The following SORCS1 variants were observed in gnomAD, a reference collection of about 807,000 sequenced individuals.
SORCS1 encodes sortilin related VPS10 domain containing receptor 1.
In SORCS1, 60 loss-of-function variants were observed where a neutral mutation model predicts 146.1. The ratio of observed to expected loss-of-function variants is 0.41; its 90% CI spans 0.33 to 0.51. The LOEUF is 0.51. Ranked by LOEUF, SORCS1 falls within the 20% of genes least tolerant of loss-of-function variation. The pLI is 0.21. For missense variants in SORCS1, 1,352 were observed against 1,487.6 expected (o/e 0.91, Z 1.50); for synonymous variants, 637 against 584.0 (o/e 1.09, Z -1.31).
intron 2 of SORCS1, among the ~76,000 whole-genome samples, chr10:106,911,528 C>T (rs1232918270): frequency 6.6e-6 from 1 of 152,036 alleles, no homozygotes; most frequent in Non-Finnish European, 1.5e-5. Flanking sequence ...TACCAGAGAA[C>T]CAGGATCACG....
intron 3 of SORCS1, 114 bp downstream of exon 3, chr10:106,829,460 T>A (rs1948445628): frequency 2.9e-6 from 2 of 687,082 alleles, no homozygotes. Context: ...AACCCATCTT[T>A]ACATTTCTAA....
chr10:107,006,699 C>T (rs1351725957), intron 1 of SORCS1, among the ~76,000 whole-genome samples: 1 of 152,142 alleles, frequency 6.6e-6, no homozygotes, highest in East Asian at 1.9e-4. Flanking sequence ...CGCCTGTAGT[C>T]CCAGCTACTC....
intron 3 of SORCS1, among the ~76,000 whole-genome samples, chr10:106,815,926 A>C (rs539505880): frequency 1.3e-5 from 2 of 152,200 alleles, no homozygotes; most frequent in Non-Finnish European, 2.9e-5. Flanking sequence ...ACTTGCTTAG[A>C]TCTTGAATTT....
At chr10:106,840,045 GC>G (rs1257182554) in intron 2 of SORCS1, among the ~76,000 whole-genome samples, 9 of 152,150 alleles carry the variant, frequency 5.9e-5, no homozygotes, top group Non-Finnish European at 7.4e-5. Flanking sequence ...TTGTTTTCAT[GC>G]CTGCTAACAC....
At chr10:106,756,442 A>T (rs886146384) in intron 5 of SORCS1, among the ~76,000 whole-genome samples, 3 of 152,202 alleles carry the variant, frequency 2.0e-5, no homozygotes, top group East Asian at 1.9e-4. Flanking sequence ...GTAAATGGCA[A>T]TGCTAGAAAG....
At chr10:106,902,258 G>T (rs1951738037) in intron 2 of SORCS1, among the ~76,000 whole-genome samples, 1 of 151,960 alleles carries the variant, frequency 6.6e-6, no homozygotes, top group Admixed American at 6.6e-5. Flanking sequence ...TTTTAAAATA[G>T]TCCCTAACCT....
rs183680495 is a variant in SORCS1, at chr10:107,151,712, A to G, written c.558+12257T>C. Among the ~76,000 whole-genome samples the G allele has an allele frequency of 1.0e-3, 154 of 152,258 alleles. 1 individual carries two copies. The highest frequency in any genetic ancestry group is 3.7e-3 in the African/African-American group (153 of 41,556). Reference sequence around the variant, plus strand: ...ACAGCCAAACCATATCATTCTTGCTATGCAAAGAGACTGGTGGCATTTTGC... The same window carrying G: ...ACAGCCAAACCATATCATTCTTGCTGTGCAAAGAGACTGGTGGCATTTTGC... On this transcript the variant is annotated intron_variant, in intron 1 of 25. Coordinates refer to ENST00000263054, the MANE Select transcript of SORCS1 (RefSeq NM_052918.5).
intron 1 of SORCS1, among the ~76,000 whole-genome samples, chr10:107,057,019 G>A (rs560443952): frequency 1.5e-4 from 23 of 152,272 alleles, no homozygotes; most frequent in African/African-American, 3.8e-4. Context: ...TCCAGTTCCC[G>A]CTTTCTAAAT....
At chr10:106,819,372 G>C (rs1353640693) in intron 3 of SORCS1, among the ~76,000 whole-genome samples, 2 of 152,058 alleles carry the variant, frequency 1.3e-5, no homozygotes, top group Non-Finnish European at 2.9e-5. Context: ...CTGGCTCCAG[G>C]GTCCATTATA....
chr10:106,866,363 G>A (rs780069664), intron 2 of SORCS1, among the ~76,000 whole-genome samples: 23 of 152,296 alleles, frequency 1.5e-4, no homozygotes, highest in East Asian at 3.9e-4. Context: ...TGGGCCCATC[G>A]CACAGACCCG....
intron 19 of SORCS1, among the ~76,000 whole-genome samples, chr10:106,622,676 G>C (rs1847830517): frequency 6.6e-6 from 1 of 152,176 alleles, no homozygotes; most frequent in Admixed American, 6.5e-5. Flanking sequence ...CATTTACTGA[G>C]CGATGACTAC....
chr10:106,977,791 C>T (rs1246957152), intron 1 of SORCS1, among the ~76,000 whole-genome samples: 1 of 152,054 alleles, frequency 6.6e-6, no homozygotes, highest in Non-Finnish European at 1.5e-5. Flanking sequence ...ATACCAGCAA[C>T]CTTGACACAT....
chr10:106,950,339 C>A (rs1564844099), intron 2 of SORCS1, among the ~76,000 whole-genome samples: 1 of 152,212 alleles, frequency 6.6e-6, no homozygotes, highest in Admixed American at 6.5e-5. Flanking sequence ...TAGGACATCA[C>A]TATAAGGTCA....
chr10:106,886,686 C>A (rs1467851093), intron 2 of SORCS1, among the ~76,000 whole-genome samples: 1 of 152,192 alleles, frequency 6.6e-6, no homozygotes. Flanking sequence ...ACTAAATGTA[C>A]CAACATTCAC....
chr10:106,895,710 T>G (rs1186915000), intron 2 of SORCS1, among the ~76,000 whole-genome samples: 1 of 152,320 alleles, frequency 6.6e-6, no homozygotes, highest in African/African-American at 2.4e-5. Flanking sequence ...ACAACCACTA[T>G]GGAAAATGGT....
intron 5 of SORCS1, among the ~76,000 whole-genome samples, chr10:106,752,418 A>G (rs1289115198): frequency 6.6e-6 from 1 of 152,210 alleles, no homozygotes; most frequent in Non-Finnish European, 1.5e-5. Flanking sequence ...CCTGGCTCAT[A>G]ATAGGTGCTA....
intron 1 of SORCS1, among the ~76,000 whole-genome samples, chr10:107,148,085 A>AC (rs771268332): frequency 1.1e-4 from 17 of 152,202 alleles, no homozygotes; most frequent in Non-Finnish European, 1.5e-5. Context: ...CAGGGACGGA[A>AC]AATAAATGAT....
At chr10:106,594,910 A>T (rs1459164541) in intron 24 of SORCS1, among the ~76,000 whole-genome samples, 1 of 152,248 alleles carries the variant, frequency 6.6e-6, no homozygotes. Context: ...TGGTCTGATT[A>T]GATGAAATAA....
intron 15 of SORCS1, among the ~76,000 whole-genome samples, chr10:106,672,409 C>T (rs1321682115): frequency 6.6e-6 from 1 of 152,120 alleles, no homozygotes; most frequent in Admixed American, 6.5e-5. Context: ...GCAAAAAGTA[C>T]CATATAGTTC....
Sources: gnomAD v4.1 joint callset for allele counts (sites outside exome capture counted in the v4.1 genomes callset) on GRCh38, gnomAD v4.1.1 for gene constraint, MANE v1.5 for transcripts, NCBI Gene and HGNC (gene_info 2026-07-23, HGNC 2026-07-21) for gene names.